Variants in SULT1C3 observed in about 807,000 individuals in gnomAD.
SULT1C3 encodes sulfotransferase 1C3.
In SULT1C3, 31 loss-of-function variants were observed where a neutral mutation model predicts 28.4. The observed-to-expected ratio is 1.09, with a 90% CI of 0.82 to 1.47. The LOEUF is 1.47. Ranked by LOEUF, SULT1C3 falls within the 40% of genes most tolerant of loss-of-function variation. SULT1C3 has a pLI of 0.00. For missense variants in SULT1C3, 307 were observed against 272.5 expected (o/e 1.13, Z -0.89); for synonymous variants, 106 against 92.2 (o/e 1.15, Z -0.86).
At chr2:108,244,075 C>T (rs1675527579) in intron 1 of SULT1C3, among the ~76,000 whole-genome samples, 1 of 152,196 alleles carries the variant, frequency 6.6e-6, no homozygotes, top group African/African-American at 2.4e-5. Context: ...TTTTCTTTGA[C>T]AGAACCATAC....
chr2:108,264,537 T>C (rs1489003281), downstream of SULT1C3, among the ~76,000 whole-genome samples: 1 of 152,188 alleles, frequency 6.6e-6, no homozygotes, highest in Non-Finnish European at 1.5e-5. Context: ...ACTCTGTCTG[T>C]ACGTAGGCAG....
intron 2 of SULT1C3, among the ~76,000 whole-genome samples, chr2:108,250,293 T>C (rs1298134262): frequency 6.6e-6 from 1 of 151,984 alleles, no homozygotes; most frequent in Non-Finnish European, 1.5e-5. Flanking sequence ...AAAAAAGCTT[T>C]ACTATTAACC....
intron 1 of SULT1C3, among the ~76,000 whole-genome samples, chr2:108,241,495 C>G (rs911536390): frequency 6.6e-6 from 1 of 152,168 alleles, no homozygotes; most frequent in African/African-American, 2.4e-5. Context: ...AGCAATATTC[C>G]AAGCAAAAGT....
chr2:108,248,146 T>C (rs1455986001), intron 2 of SULT1C3, among the ~76,000 whole-genome samples: 1 of 152,078 alleles, frequency 6.6e-6, no homozygotes. Context: ...AACAAAAAAA[T>C]TGATGGGGAC....
chr2:108,265,337 C>T (rs757153810), downstream of SULT1C3: 29 of 1,613,272 alleles, frequency 1.8e-5, no homozygotes, highest in East Asian at 8.9e-5. Context: ...CCTAACCTTC[C>T]GCACAGAGAT....
intron 4 of SULT1C3, among the ~76,000 whole-genome samples, chr2:108,253,760 C>A (rs915679641): frequency 1.3e-5 from 2 of 151,812 alleles, no homozygotes; most frequent in Non-Finnish European, 1.5e-5. Flanking sequence ...AAAATAAAAC[C>A]CTGTTGCTTT....
intron 2 of SULT1C3, among the ~76,000 whole-genome samples, chr2:108,249,827 TAACTC>T (rs1232278504): frequency 6.6e-6 from 1 of 152,092 alleles, no homozygotes; most frequent in Non-Finnish European, 1.5e-5. Context: ...TCATGACATT[TAACTC>T]AGCTTCAACA....
chr2:108,251,607 G>C (rs1675727328), intron 2 of SULT1C3, among the ~76,000 whole-genome samples: 1 of 151,920 alleles, frequency 6.6e-6, no homozygotes, highest in Non-Finnish European at 1.5e-5. Context: ...GGGAAATAGA[G>C]GAAATAGAGG....
chr2:108,250,925 C>T (rs1675712087), intron 2 of SULT1C3, among the ~76,000 whole-genome samples: 1 of 151,970 alleles, frequency 6.6e-6, no homozygotes, highest in Non-Finnish European at 1.5e-5. Context: ...TTACTGATAG[C>T]AACAGACACA....
At chr2:108,240,208 C>A (rs1245150828) in intron 1 of SULT1C3, among the ~76,000 whole-genome samples, 125 bp downstream of exon 1, 1 of 152,180 alleles carries the variant, frequency 6.6e-6, no homozygotes. Context: ...TTAGACTTTG[C>A]AGCTCCAAAT....
intron 1 of SULT1C3, among the ~76,000 whole-genome samples, chr2:108,242,475 C>A (rs534635661): frequency 2.3e-4 from 35 of 152,286 alleles, no homozygotes; most frequent in African/African-American, 7.9e-4. Flanking sequence ...CCCATCCCCC[C>A]ATAGAAGTCT....
At position 108,247,269 on chromosome 2, in the gene SULT1C3, A is replaced by G. The variant is rs763530794; in HGVS notation, c.75A>G (p.Gly25=). Residue 25 remains glycine (G), a synonymous_variant, in exon 2 of 8, where the codon GGA becomes GGG. Transcript: ENST00000681802. ...TGTTTAACATCATGGAAGTAGATGGAGTCCCTACGTTGATATTATCAAAAG... is the reference window on the plus strand; with the variant it reads ...TGTTTAACATCATGGAAGTAGATGGGGTCCCTACGTTGATATTATCAAAAG... ...PELFNIMEVD[G]VPTLILSKEW... is the part of the protein sequence containing the mutation. The G allele has an allele frequency of 1.9e-6, 3 of 1,595,550 alleles. No individual in the cohort carries two copies. The highest frequency in any genetic ancestry group is 1.7e-5 in the Admixed American group (1 of 58,318).
At chr2:108,246,133 T>C (rs1338992129) in intron 1 of SULT1C3, among the ~76,000 whole-genome samples, 8 of 152,214 alleles carry the variant, frequency 5.3e-5, no homozygotes, top group Non-Finnish European at 4.4e-5. Context: ...CTGGATTTCA[T>C]TGTCCATATC....
intron 1 of SULT1C3, among the ~76,000 whole-genome samples, chr2:108,246,399 T>A (rs1473074815): frequency 6.6e-6 from 1 of 152,142 alleles, no homozygotes. Context: ...AGACTTAAAG[T>A]TCCACGTATC....
chr2:108,261,158 C>T (rs1225291734), downstream of SULT1C3, among the ~76,000 whole-genome samples: 4 of 152,228 alleles, frequency 2.6e-5, no homozygotes, highest in African/African-American at 9.6e-5. Context: ...GTCACCATTT[C>T]TGTAATAGAA....
In SULT1C3 at chr2:108,258,981, A is replaced by G; in HGVS notation, c.637A>G (p.Ile213Val). 1.5e-6 allele frequency: 1 copy of G among 681,176 alleles called. No individual in the cohort carries two copies. Among genetic ancestry groups the G allele is most frequent in the South Asian group, 1.7e-5 (1 of 60,494 alleles). The allele number at this position is 681,176 out of a possible 1,614,324, so 42.2% of individuals were successfully genotyped here. ...CCATGATCAGAATCCAAAACATGAGATCCACAAGGTGTTGGAATTCTTGGA... is the reference window on the plus strand; with the variant it reads ...CCATGATCAGAATCCAAAACATGAGGTCCACAAGGTGTTGGAATTCTTGGA... ...EDIKKNPKHEIHKVLEFLEKT... is the reference protein window; with the variant it reads ...EDIKKNPKHEVHKVLEFLEKT... Residue 213 changes from isoleucine (I) to valine (V), a missense_variant, in exon 7 of 8, where the codon ATC becomes GTC. Transcript: ENST00000681802.
Position 108,258,625 on chromosome 2 carries a change from G to A in SULT1C3, c.527-109G>A, listed in dbSNP as rs113376576. On this transcript the variant is annotated intron_variant, in intron 5 of 7. Transcript: ENST00000681802. The stretch of plus-strand genomic sequence containing the variant: ...AGAAAATTATTTCCACTTCGTTAAG[G>A]AACCAGAACGATAGTTACAGAAGCT... 35 of 777,572 alleles carry A rather than the reference G, an allele frequency of 4.5e-5. No homozygotes were observed. In the African/African-American group the frequency reaches 5.7e-4, roughly 13 times the overall value. The allele number at this position is 777,572 out of a possible 1,614,324, so 48.2% of individuals were successfully genotyped here.
At chr2:108,257,711 AT>A (rs769644063) in intron 5 of SULT1C3, among the ~76,000 whole-genome samples, 1 of 152,122 alleles carries the variant, frequency 6.6e-6, no homozygotes, top group Admixed American at 6.6e-5. Flanking sequence ...TAATATAAAA[AT>A]TAAAGTAATA....
Position 108,258,757 on chromosome 2 carries a change from C to T in SULT1C3, c.550C>T (p.His184Tyr), listed in dbSNP as rs1276472690. ...GKVVGGSWFD[H>Y]VKGWWAAKDM... ...AGTTGTTGGCGGGTCCTGGTTTGAC[C>T]ATGTGAAAGGATGGTGGGCTGCAAA... is the stretch of plus-strand genomic sequence containing the variant. Residue 184 changes from histidine to tyrosine, a missense_variant, in exon 6 of 8, where the codon CAT becomes TAT. Transcript: ENST00000681802. 2 of 1,612,816 alleles carry T rather than the reference C, an allele frequency of 1.2e-6. No homozygotes were observed. The highest frequency in any genetic ancestry group is 2.7e-5 in the African/African-American group (2 of 74,936).
Sources: gnomAD v4.1 joint callset for allele counts (sites outside exome capture counted in the v4.1 genomes callset) on GRCh38, gnomAD v4.1.1 for gene constraint, MANE v1.5 for transcripts, NCBI Gene and HGNC (gene_info 2026-07-23, HGNC 2026-07-21) for gene names.